Variants in NCEH1 observed in about 807,000 individuals in gnomAD.
The protein encoded by NCEH1 is neutral cholesterol ester hydrolase 1.
Under a neutral mutation model 25.4 loss-of-function variants are expected in NCEH1, and 9 were observed. The ratio of observed to expected loss-of-function variants is 0.35; its 90% CI spans 0.21 to 0.62. The LOEUF (loss-of-function observed/expected upper bound fraction) is 0.62, where lower values mean the gene tolerates loss of function less well. NCEH1 is among the 20% of genes least tolerant of loss of function. The probability of loss-of-function intolerance (pLI) is 0.72; values close to 1 mark genes in which losing one functional copy is unlikely to be tolerated. For missense variants in NCEH1, 412 were observed against 501.1 expected (o/e 0.82, Z 1.70); for synonymous variants, 200 against 199.8 (o/e 1.00, Z -0.01).
At chr3:172,697,002 T>C (rs1363617073) in intron 1 of NCEH1, among the ~76,000 whole-genome samples, 4 of 152,162 alleles carry the variant, frequency 2.6e-5, no homozygotes, top group Non-Finnish European at 5.9e-5. Flanking sequence ...CTTGGCTCAC[T>C]GCAACCTCTG....
At chr3:172,700,518 TA>T (rs1014405082) in intron 1 of NCEH1, among the ~76,000 whole-genome samples, 17 of 152,166 alleles carry the variant, frequency 1.1e-4, no homozygotes, top group African/African-American at 4.1e-4. Context: ...TGTTTAAATT[TA>T]AAAAATTTTT....
intron 1 of NCEH1, among the ~76,000 whole-genome samples, chr3:172,653,390 A>C (rs1717505338): frequency 6.6e-6 from 1 of 152,228 alleles, no homozygotes; most frequent in Admixed American, 6.5e-5. Flanking sequence ...TCTGTTGACT[A>C]AGTCAACATA....
At chr3:172,656,195 CTGTT>C (rs934679392) in intron 1 of NCEH1, among the ~76,000 whole-genome samples, 28 of 152,250 alleles carry the variant, frequency 1.8e-4, no homozygotes, top group African/African-American at 6.7e-4. Context: ...ATTACGTTCA[CTGTT>C]TGTAGACATA....
intron 1 of NCEH1, among the ~76,000 whole-genome samples, chr3:172,693,965 T>C (rs1713219107): frequency 6.6e-6 from 1 of 152,158 alleles, no homozygotes; most frequent in Non-Finnish European, 1.5e-5. Flanking sequence ...CCAATCATAG[T>C]ACACCACAGC....
chr3:172,699,359 AG>A (rs1368374283), intron 1 of NCEH1, among the ~76,000 whole-genome samples: 9 of 152,200 alleles, frequency 5.9e-5, no homozygotes, highest in African/African-American at 1.9e-4. Flanking sequence ...GTGCCAGCCA[AG>A]GAACTTAGCA....
At chr3:172,650,812 GAAAAAAAA>G (rs768170518) in intron 1 of NCEH1, among the ~76,000 whole-genome samples, 13 of 35,884 alleles carry the variant, frequency 3.6e-4, no homozygotes, top group Non-Finnish European at 6.2e-4. Context: ...ACTCTGCCTC[GAAAAAAAA>G]AAAAAAAAAA....
chr3:172,709,637 C>G (rs1560214334), intron 1 of NCEH1, among the ~76,000 whole-genome samples: 1 of 152,110 alleles, frequency 6.6e-6, no homozygotes, highest in Non-Finnish European at 1.5e-5. Context: ...GAATGTGCTG[C>G]AATATCCTAG....
intron 1 of NCEH1, among the ~76,000 whole-genome samples, chr3:172,656,355 G>A (rs1244323074): frequency 6.6e-6 from 1 of 152,192 alleles, no homozygotes; most frequent in African/African-American, 2.4e-5. Context: ...GAAAGCAGAT[G>A]GAAGGGAGAA....
intron 1 of NCEH1, among the ~76,000 whole-genome samples, chr3:172,691,888 A>G (rs1226659300): frequency 3.3e-5 from 5 of 150,522 alleles, no homozygotes; most frequent in African/African-American, 9.7e-5. Context: ...CGGAGCTTGC[A>G]GTGAGCCGAG....
chr3:172,655,841 T>C (rs1717667781), intron 1 of NCEH1, among the ~76,000 whole-genome samples: 1 of 151,788 alleles, frequency 6.6e-6, no homozygotes, highest in Admixed American at 6.6e-5. Context: ...AAATGGAAGC[T>C]TCAGAAACAC....
chr3:172,659,985 C>CT (rs59222244), intron 1 of NCEH1, among the ~76,000 whole-genome samples: 291 of 140,460 alleles, frequency 2.1e-3, no homozygotes, highest in African/African-American at 2.9e-3. Flanking sequence ...TGAAGCATTT[C>CT]TTTTTTTTTT....
intron 1 of NCEH1, among the ~76,000 whole-genome samples, chr3:172,655,853 C>A (rs1002998711): frequency 6.6e-6 from 1 of 152,086 alleles, no homozygotes; most frequent in African/African-American, 2.4e-5. Context: ...CAGAAACACC[C>A]TCACTTAAAG....
intron 1 of NCEH1, among the ~76,000 whole-genome samples, chr3:172,682,786 C>T (rs1026459338): frequency 2.6e-5 from 4 of 152,168 alleles, no homozygotes; most frequent in African/African-American, 9.7e-5. Context: ...AGTATTAATG[C>T]TCTGGAGGAG....
At chr3:172,637,288 A>C (rs2108488770) in intron 3 of NCEH1, among the ~76,000 whole-genome samples, 1 of 152,350 alleles carries the variant, frequency 6.6e-6, no homozygotes, top group South Asian at 2.1e-4. Context: ...AAAACTCAAA[A>C]ACAGACCAAA....
rs1038134069 is a variant in NCEH1, at chr3:172,696,009, G to A, written c.138+14838C>T. ...AAAATGAGCTAGCTATGATAATGAT[G>A]ATTCATATATCCAGTTAGAACATCA... is the stretch of plus-strand genomic sequence containing the variant. On this transcript the variant is annotated intron_variant, in intron 1 of 4. Coordinates refer to ENST00000475381, the MANE Select transcript of NCEH1 (RefSeq NM_020792.6). 2.8e-4 allele frequency among the ~76,000 whole-genome samples: 43 copies of A among 151,990 alleles called. 1 individual carries two copies.
chr3:172,695,034 C>G (rs1265804816), intron 1 of NCEH1, among the ~76,000 whole-genome samples: 1 of 152,188 alleles, frequency 6.6e-6, no homozygotes, highest in Admixed American at 6.5e-5. Context: ...AATTGCTCAA[C>G]TAACATGATA....
At chr3:172,640,559 G>C (rs530673482) in intron 3 of NCEH1, among the ~76,000 whole-genome samples, 6 of 152,200 alleles carry the variant, frequency 3.9e-5, no homozygotes, top group African/African-American at 1.4e-4. Context: ...CCAGGCTGGA[G>C]TGCAGTGGCA....
rs1716317409 is a variant in NCEH1, at chr3:172,630,947, A to G, written c.*2528T>C. ...GGTTTTTCTTTATATATTAATGTTT[A>G]TATTTCACAGACAATTTTACAAAAA... On this transcript the variant is annotated 3_prime_UTR_variant, in exon 5 of 5. Coordinates refer to ENST00000475381, the MANE Select transcript of NCEH1 (RefSeq NM_020792.6). 6.9e-6 allele frequency: 1 copy of G among 145,400 alleles called. No homozygotes were observed. The allele number at this position is 145,400 out of a possible 1,614,324, so 9.0% of individuals were successfully genotyped here.
At chr3:172,665,058 T>A (rs567138419) in intron 1 of NCEH1, among the ~76,000 whole-genome samples, 12 of 151,938 alleles carry the variant, frequency 7.9e-5, no homozygotes, top group Non-Finnish European at 1.3e-4. Flanking sequence ...TTTAGAATTT[T>A]CAGCTTTTCT....
Sources: gnomAD v4.1 joint callset for allele counts (sites outside exome capture counted in the v4.1 genomes callset) on GRCh38, gnomAD v4.1.1 for gene constraint, MANE v1.5 for transcripts, NCBI Gene and HGNC (gene_info 2026-07-23, HGNC 2026-07-21) for gene names.